AKAP19: variants seen among roughly 807,000 people sequenced by gnomAD.
The protein encoded by AKAP19 is small A-kinase anchoring protein.
chr2:190,046,830 C>G, the AKAP19 span, among the ~76,000 whole-genome samples: 1 of 151,988 alleles, frequency 6.6e-6, no homozygotes. Flanking sequence ...GTGCTGTCAG[C>G]TTCTATTATA....
At chr2:190,085,234 A>T in the AKAP19 span, among the ~76,000 whole-genome samples, 1 of 152,212 alleles carries the variant, frequency 6.6e-6, no homozygotes, top group Non-Finnish European at 1.5e-5. Flanking sequence ...CAATCTCTGG[A>T]TGGTAATTAG....
At chr2:190,133,785 A>G in the AKAP19 span, among the ~76,000 whole-genome samples, 2 of 152,194 alleles carry the variant, frequency 1.3e-5, no homozygotes, top group Non-Finnish European at 1.5e-5. Flanking sequence ...ACTCTAGGAG[A>G]GTTGAACTCA....
chr2:190,165,507 C>T, the AKAP19 span, among the ~76,000 whole-genome samples: 3 of 151,798 alleles, frequency 2.0e-5, no homozygotes, highest in South Asian at 2.1e-4. Flanking sequence ...AAAAAAATAC[C>T]GTAACAAAAA....
chr2:190,089,425 A>C, the AKAP19 span: 10 of 152,118 alleles, frequency 6.6e-5, no homozygotes, highest in Non-Finnish European at 2.9e-5. Context: ...TTAAAACAAA[A>C]CACAAAATTC....
At chr2:190,165,677 A>G in the AKAP19 span, among the ~76,000 whole-genome samples, 3 of 152,174 alleles carry the variant, frequency 2.0e-5, no homozygotes, top group African/African-American at 7.2e-5. Context: ...AAGGTCCAAC[A>G]TATGTCAGAG....
chr2:190,109,978 C>T, the AKAP19 span, among the ~76,000 whole-genome samples: 1 of 152,134 alleles, frequency 6.6e-6, no homozygotes, highest in Non-Finnish European at 1.5e-5. Flanking sequence ...ATAGAAATCC[C>T]TGAACCCCAG....
At chr2:189,923,023 C>T in the AKAP19 span, among the ~76,000 whole-genome samples, 7 of 151,962 alleles carry the variant, frequency 4.6e-5, no homozygotes, top group Non-Finnish European at 8.8e-5. Context: ...TGGCAGTGTA[C>T]GCCTATAGTC....
the AKAP19 span, among the ~76,000 whole-genome samples, chr2:190,093,899 G>A: frequency 6.6e-6 from 1 of 152,238 alleles, no homozygotes; most frequent in African/African-American, 2.4e-5. Context: ...GACGAAAGCA[G>A]TCTACTCACC....
the AKAP19 span, among the ~76,000 whole-genome samples, chr2:189,973,118 T>C: frequency 6.6e-6 from 1 of 152,178 alleles, no homozygotes; most frequent in Non-Finnish European, 1.5e-5. Flanking sequence ...TGGCTGTGGG[T>C]TTGTCATAAA....
the AKAP19 span, among the ~76,000 whole-genome samples, chr2:190,092,715 A>T: frequency 2.0e-5 from 3 of 152,324 alleles, no homozygotes; most frequent in Admixed American, 2.0e-4. Flanking sequence ...TAGAAGTCTA[A>T]CAGAAGTATT....
At chr2:190,061,105 G>A in the AKAP19 span, among the ~76,000 whole-genome samples, 1 of 151,904 alleles carries the variant, frequency 6.6e-6, no homozygotes, top group Non-Finnish European at 1.5e-5. Context: ...CTTTTATTTT[G>A]GTTTTCCAAA....
At chr2:190,130,063 T>C in the AKAP19 span, among the ~76,000 whole-genome samples, 1 of 152,178 alleles carries the variant, frequency 6.6e-6, no homozygotes, top group Non-Finnish European at 1.5e-5. Context: ...TCTAGTCCAA[T>C]TTTTCATATT....
chr2:190,009,465 G>C, the AKAP19 span, among the ~76,000 whole-genome samples: 19 of 152,230 alleles, frequency 1.2e-4, no homozygotes, highest in African/African-American at 4.6e-4. Flanking sequence ...GAGTAGGAGA[G>C]GACTCAGGAA....
chr2:190,049,665 AAGC>A, the AKAP19 span, among the ~76,000 whole-genome samples: 4 of 152,220 alleles, frequency 2.6e-5, no homozygotes, highest in Non-Finnish European at 5.9e-5. Flanking sequence ...GAAAGCATTT[AAGC>A]CTTCACTGAT....
At chr2:189,999,291 T>C in the AKAP19 span, among the ~76,000 whole-genome samples, 1 of 152,214 alleles carries the variant, frequency 6.6e-6, no homozygotes, top group African/African-American at 2.4e-5. Flanking sequence ...TTTCATTTAT[T>C]TCAAGATATT....
At chr2:189,884,115 T>C in the AKAP19 span, among the ~76,000 whole-genome samples, 1 of 152,264 alleles carries the variant, frequency 6.6e-6, no homozygotes, top group South Asian at 2.1e-4. Flanking sequence ...TAGTTATGTT[T>C]TGTAATTTAG....
the AKAP19 span, among the ~76,000 whole-genome samples, chr2:190,109,394 C>A: frequency 6.6e-6 from 1 of 151,996 alleles, no homozygotes; most frequent in Non-Finnish European, 1.5e-5. Flanking sequence ...AACTGTCACA[C>A]AGACACCTTC....
the AKAP19 span, among the ~76,000 whole-genome samples, chr2:190,133,631 T>A: frequency 4.7e-4 from 72 of 152,194 alleles, no homozygotes; most frequent in Non-Finnish European, 7.1e-4. Flanking sequence ...TAAGTGTTCA[T>A]CAACAGATGA....
At chr2:190,025,835 A>C in the AKAP19 span, among the ~76,000 whole-genome samples, 9 of 152,326 alleles carry the variant, frequency 5.9e-5, no homozygotes, top group African/African-American at 2.2e-4. Context: ...TACCTTTAAC[A>C]GAATGTCAAA....
Sources: gnomAD v4.1 joint callset for allele counts (sites outside exome capture counted in the v4.1 genomes callset) on GRCh38, gnomAD v4.1.1 for gene constraint, MANE v1.5 for transcripts, NCBI Gene and HGNC (gene_info 2026-07-23, HGNC 2026-07-21) for gene names.